Variants in TRAPPC9 observed in about 807,000 individuals in gnomAD.
TRAPPC9 encodes the protein trafficking protein particle complex subunit 9, also known as IKK2 binding protein.
Under a neutral mutation model 124.0 loss-of-function variants are expected in TRAPPC9, and 83 were observed. The observed-to-expected ratio is 0.67, with a 90% CI of 0.56 to 0.80. The LOEUF is 0.80. Ranked by LOEUF, TRAPPC9 falls within the 30% of genes least tolerant of loss-of-function variation. The pLI is 0.00. For synonymous variants in TRAPPC9, 638 were observed against 617.5 expected (o/e 1.03, Z -0.49); for missense variants, 1,302 against 1,508.3 (o/e 0.86, Z 2.27).
chr8:139,977,533 G>C (rs1032207710), intron 19 of TRAPPC9, among the ~76,000 whole-genome samples: 5 of 151,310 alleles, frequency 3.3e-5, no homozygotes, highest in Non-Finnish European at 7.4e-5. Context: ...CAGGAGAATG[G>C]TGTGAACCTG....
At chr8:140,215,718 C>T (rs150479985) in intron 17 of TRAPPC9, among the ~76,000 whole-genome samples, 1 of 151,994 alleles carries the variant, frequency 6.6e-6, no homozygotes, top group East Asian at 1.9e-4. Flanking sequence ...CGAACTTGGG[C>T]AAGTCTTCCC....
rs1039503478 is a variant in TRAPPC9 at position 140,241,090 on chromosome 8, A to T, written c.2431+11687T>A. Among the ~76,000 whole-genome samples the T allele has an allele frequency of 6.6e-6, 1 of 152,098 alleles. No homozygotes were observed. ...TGCTGGTGGCATCCAGCTCATCTTT[A>T]GTCAGGACCTGTTCAAAGACCATTC... On this transcript the variant is annotated intron_variant, in intron 16 of 22. Transcript: ENST00000438773. The surrounding 1 kb of genome is among the most constrained non-coding windows in gnomAD (Gnocchi z 5.0).
At chr8:140,125,537 G>A (rs1051005494) in intron 17 of TRAPPC9, among the ~76,000 whole-genome samples, 1 of 151,570 alleles carries the variant, frequency 6.6e-6, no homozygotes, top group Non-Finnish European at 1.5e-5. Context: ...GGACCTGTGG[G>A]TGACGGGAAC....
intron 19 of TRAPPC9, among the ~76,000 whole-genome samples, chr8:139,917,020 C>T (rs934559977): frequency 3.3e-5 from 5 of 152,160 alleles, no homozygotes; most frequent in African/African-American, 9.7e-5. Flanking sequence ...CTGACTCGTC[C>T]ATCCTGAATG....
chr8:140,193,812 A>G (rs2062562605), intron 17 of TRAPPC9, among the ~76,000 whole-genome samples: 1 of 152,060 alleles, frequency 6.6e-6, no homozygotes, highest in African/African-American at 2.4e-5. Flanking sequence ...GCAAATGAAG[A>G]CTGTAATACC....
At chr8:139,936,161 G>C (rs1303085735) in intron 19 of TRAPPC9, among the ~76,000 whole-genome samples, 2 of 152,212 alleles carry the variant, frequency 1.3e-5, no homozygotes, top group East Asian at 3.8e-4. Context: ...CGGCCCTTTT[G>C]AGATAGCGCC....
At chr8:140,029,477 C>T (rs976430369) in intron 17 of TRAPPC9, among the ~76,000 whole-genome samples, 2 of 152,122 alleles carry the variant, frequency 1.3e-5, no homozygotes, top group Non-Finnish European at 2.9e-5. Context: ...TTTCCTCCAG[C>T]CTGGGCGACA....
chr8:140,048,230 G>A (rs1327118485), intron 17 of TRAPPC9, among the ~76,000 whole-genome samples: 1 of 152,218 alleles, frequency 6.6e-6, no homozygotes, highest in Non-Finnish European at 1.5e-5. Context: ...TCACAAGGCT[G>A]TTGTAAGGAC....
chr8:139,845,968 A>C (rs1827049863), intron 21 of TRAPPC9, among the ~76,000 whole-genome samples: 1 of 152,236 alleles, frequency 6.6e-6, no homozygotes, highest in African/African-American at 2.4e-5. Context: ...GGGAGCAGGA[A>C]GGACCAGAGC....
chr8:139,958,907 AGCACTGCATTCCGAGTCACACGGG>A lies in TRAPPC9; in HGVS notation c.2810+29795_2810+29818del, dbSNP rs2131549433. Among the ~76,000 whole-genome samples, 96 of 149,642 alleles carry A rather than the reference AGCACTGCATTCCGAGTCACACGGG, an allele frequency of 6.4e-4. 1 individual carries two copies. Among genetic ancestry groups the A allele is most frequent in the Non-Finnish European group, 5.9e-4 (40 of 67,648 alleles). On this transcript the variant is annotated intron_variant, in intron 19 of 22. Coordinates refer to ENST00000438773, the MANE Select transcript of TRAPPC9 (RefSeq NM_001160372.4). ...CACTGCATTCCGAGTCACACAGGGG[AGCACTGCATTCCGAGTCACACGGG>A]GGAGCACTGCATTCCGAGTCACACG...
At position 140,216,136 on chromosome 8, in the gene TRAPPC9, G is replaced by T. The variant is rs2063187222; in HGVS notation, c.2556+5323C>A. 6.6e-6 allele frequency: 1 copy of T among 152,166 alleles called. No homozygotes were observed. Among genetic ancestry groups the T allele is most frequent in the Non-Finnish European group, 1.5e-5 (1 of 68,028 alleles). The allele number at this position is 152,166 out of a possible 1,614,324, so 9.4% of individuals were successfully genotyped here. ...TTGGAGAGTGTGACATCACCTCAAG[G>T]AGCCTCAGTTTTCTCCTTAGAGGAT... On this transcript the variant is annotated intron_variant, in intron 17 of 22. Transcript: ENST00000438773. This position sits in a 1 kb window ranked among gnomAD's most constrained non-coding sequence, Gnocchi z 4.1.
At chr8:140,020,795 A>G (rs1438396271) in intron 18 of TRAPPC9, among the ~76,000 whole-genome samples, 1 of 152,168 alleles carries the variant, frequency 6.6e-6, no homozygotes. Flanking sequence ...TTCTCCCTTC[A>G]GTATGTCAGT....
rs1239778027 is a variant in TRAPPC9 at position 139,905,153 on chromosome 8, T to TG, written c.2964+4993dup. ...CCAGCTCTCTGGGCCAGATGCTGCA[T>TG]GTACTAGGAAGAGATGCCCCCGCCC... On this transcript the variant is annotated intron_variant, in intron 20 of 22. Transcript: ENST00000438773. 2.0e-5 allele frequency among the ~76,000 whole-genome samples: 3 copies of TG among 151,968 alleles called. No individual in the cohort carries two copies. In the East Asian group the frequency reaches 5.8e-4, roughly 29 times the overall value.
chr8:139,735,687 T>C (rs558900139), intron 21 of TRAPPC9, among the ~76,000 whole-genome samples: 18 of 152,252 alleles, frequency 1.2e-4, no homozygotes, highest in South Asian at 4.2e-4. Context: ...TTTTGTTTTT[T>C]TGCAGAGAAC....
At chr8:140,050,793 C>A (rs933001755) in intron 17 of TRAPPC9, among the ~76,000 whole-genome samples, 1 of 152,164 alleles carries the variant, frequency 6.6e-6, no homozygotes, top group Admixed American at 6.5e-5. Flanking sequence ...AACAACCCAC[C>A]GACAACCCCA....
At chr8:139,834,495 G>A (rs1190372514) in intron 21 of TRAPPC9, among the ~76,000 whole-genome samples, 2 of 152,232 alleles carry the variant, frequency 1.3e-5, no homozygotes, top group Admixed American at 6.5e-5. Flanking sequence ...TGCAAGGCAC[G>A]GGGGACCCCT....
chr8:140,120,802 A>T (rs2060973022), intron 17 of TRAPPC9, among the ~76,000 whole-genome samples: 1 of 150,768 alleles, frequency 6.6e-6, no homozygotes, highest in Non-Finnish European at 1.5e-5. Flanking sequence ...ACATCCATCC[A>T]TCCATTCATC....
At chr8:140,159,969 C>T (rs955414429) in intron 17 of TRAPPC9, among the ~76,000 whole-genome samples, 1 of 152,124 alleles carries the variant, frequency 6.6e-6, no homozygotes, top group Non-Finnish European at 1.5e-5. Flanking sequence ...AAAAACAACC[C>T]CATCCAAAAG....
intron 2 of TRAPPC9, 64 bp downstream of exon 2, chr8:140,450,726 T>C: frequency 1.6e-6 from 2 of 1,257,206 alleles, no homozygotes; most frequent in South Asian, 2.5e-5. Context: ...AATGAAATTC[T>C]GCCCTGTGCT....
Sources: allele counts gnomAD v4.1 joint callset (sites outside exome capture counted in the v4.1 genomes callset), GRCh38; gene constraint gnomAD v4.1.1; non-coding constraint Gnocchi (gnomAD v3.1); transcripts MANE v1.5; gene names NCBI Gene and HGNC (gene_info 2026-07-23, HGNC 2026-07-21).